CSMD1: variants seen among roughly 807,000 people sequenced by gnomAD.
CSMD1 encodes CUB and Sushi multiple domains 1.
CSMD1 carries 213 observed loss-of-function variants against 417.5 expected under a neutral mutation model. The observed-to-expected ratio is 0.51, with a 90% CI of 0.46 to 0.57. The LOEUF is 0.57. Ranked by LOEUF, CSMD1 falls within the 20% of genes least tolerant of loss-of-function variation. The probability of loss-of-function intolerance (pLI) is 0.00; values close to 1 mark genes in which losing one functional copy is unlikely to be tolerated. For synonymous variants in CSMD1, 2,862 were observed against 1,736.8 expected, an observed-to-expected ratio of 1.65 and a Z score of -16.11; for missense variants, 6,923 against 4,529.7, an observed-to-expected ratio of 1.53 and a Z score of -15.17.
intron 3 of CSMD1, among the ~76,000 whole-genome samples, chr8:4,295,179 A>G (rs1797594889): frequency 7.0e-6 from 1 of 142,116 alleles, no homozygotes; most frequent in African/African-American, 2.6e-5. Context: ...AGATTATATA[A>G]TCTTAAGATT....
chr8:3,902,022 T>C (rs1256424906), intron 5 of CSMD1, among the ~76,000 whole-genome samples: 13 of 152,164 alleles, frequency 8.5e-5, no homozygotes, highest in Admixed American at 8.5e-4. Flanking sequence ...CTCTATTCCA[T>C]TTATTATACG....
intron 1 of CSMD1, among the ~76,000 whole-genome samples, chr8:4,863,830 G>A (rs1222241756): frequency 6.6e-6 from 1 of 151,924 alleles, no homozygotes; most frequent in Admixed American, 6.6e-5. Context: ...TTAGGAAAAA[G>A]AAATGAAATT....
At chr8:3,750,925 G>A (rs1035974786) in intron 6 of CSMD1, among the ~76,000 whole-genome samples, 6 of 152,198 alleles carry the variant, frequency 3.9e-5, no homozygotes, top group Middle Eastern at 3.4e-3. Flanking sequence ...GCCTTTCTGC[G>A]TACTGTGCAC....
chr8:4,375,659 A>AT (rs1563108632), intron 3 of CSMD1, among the ~76,000 whole-genome samples: 2 of 152,140 alleles, frequency 1.3e-5, no homozygotes, highest in Non-Finnish European at 2.9e-5. Context: ...TGGTGGAAGG[A>AT]TAAGGGAGGA....
intron 2 of CSMD1, among the ~76,000 whole-genome samples, chr8:4,460,344 A>C (rs1461765041): frequency 6.6e-6 from 1 of 152,152 alleles, no homozygotes; most frequent in Non-Finnish European, 1.5e-5. Context: ...AATTGCATAG[A>C]GGGAAATTTA....
intron 25 of CSMD1, among the ~76,000 whole-genome samples, chr8:3,299,824 G>A (rs1203031695): frequency 1.3e-5 from 2 of 152,280 alleles, no homozygotes; most frequent in East Asian, 1.9e-4. Context: ...TGGACAGATT[G>A]TTAAGGACTG....
Position 2,965,832 on chromosome 8 carries a change from C to A in CSMD1, c.9223G>T (p.Ala3075Ser). ...PGYVMEAVTS[A>S]TIRCTKDGRW... ...CCGTCTTTGGTACAGCGAATAGTGGCGGATGTGACTGCTTCCATGACATAG... is the reference window on the plus strand; with the variant it reads ...CCGTCTTTGGTACAGCGAATAGTGGAGGATGTGACTGCTTCCATGACATAG... Residue 3075 changes from alanine to serine, a missense_variant, in exon 59 of 70, where the codon GCC becomes TCC. Ala to Ser is a moderately conservative substitution (Grantham distance 99). Coordinates refer to ENST00000635120, the MANE Select transcript of CSMD1 (RefSeq NM_033225.6). 1.2e-6 allele frequency: 2 copies of A among 1,609,010 alleles called. No individual in the cohort carries two copies. The highest frequency in any genetic ancestry group is 1.7e-6 in the Non-Finnish European group (2 of 1,177,618).
chr8:3,812,432 G>C (rs1248838506), intron 5 of CSMD1, among the ~76,000 whole-genome samples: 2 of 152,058 alleles, frequency 1.3e-5, no homozygotes, highest in African/African-American at 4.8e-5. Flanking sequence ...TAATTAAAGT[G>C]CTCACAATGA....
At chr8:3,347,408 G>C (rs1808086427) in intron 22 of CSMD1, among the ~76,000 whole-genome samples, 1 of 152,148 alleles carries the variant, frequency 6.6e-6, no homozygotes, top group African/African-American at 2.4e-5. Flanking sequence ...GGGTACCCCT[G>C]CCATCAATAT....
At chr8:4,103,688 G>C (rs1159348677) in intron 3 of CSMD1, among the ~76,000 whole-genome samples, 3 of 151,992 alleles carry the variant, frequency 2.0e-5, no homozygotes, top group South Asian at 2.1e-4. Context: ...TTATAAACTG[G>C]AGTGAATGCT....
At position 2,950,356 on chromosome 8, in the gene CSMD1, C is replaced by T. The variant is rs767339734; in HGVS notation, c.10202-13G>A. On this transcript the variant is annotated splice_polypyrimidine_tract_variant and intron_variant, in intron 66 of 69. Coordinates refer to ENST00000635120, the MANE Select transcript of CSMD1 (RefSeq NM_033225.6). ...TTCTTGTAAATGCCTGTGAAAAGAT[C>T]AGCAGTTTAGGCTTACCTTGGAGAA... is the stretch of plus-strand genomic sequence containing the variant. 6.5e-7 allele frequency: 1 copy of T among 1,545,674 alleles called. No individual in the cohort carries two copies. Among genetic ancestry groups the T allele is most frequent in the Non-Finnish European group, 8.9e-7 (1 of 1,117,982 alleles).
chr8:3,367,145 C>A lies in CSMD1; in HGVS notation c.3002G>T (p.Gly1001Val). The part of the protein sequence containing the change: ...SFSEPVARLT[G>V]SVLPHTIKAG... ...CTTGATCGTATGAGGCAACACCGAC[C>A]CGGTGAGCCTGGCAACGGGCTCGGA... The change falls in exon 20 of 70, where the codon GGG (glycine) becomes GTG (valine). Residue 1001 changes from glycine (G) to valine (V), a missense_variant. Transcript: ENST00000635120. 1 of 1,613,702 alleles carries A rather than the reference C, an allele frequency of 6.2e-7. No homozygotes were observed. The highest frequency in any genetic ancestry group is 8.5e-7 in the Non-Finnish European group (1 of 1,179,778).
intron 5 of CSMD1, among the ~76,000 whole-genome samples, chr8:3,880,353 T>C (rs1240173188): frequency 6.6e-6 from 1 of 152,230 alleles, no homozygotes; most frequent in African/African-American, 2.4e-5. Flanking sequence ...TTATTGTTAA[T>C]TGACAGTAAA....
rs61391918 is a variant in CSMD1, at chr8:4,405,477, GAGTGA to G, written c.415+14471_415+14475del. 5.4e-3 allele frequency among the ~76,000 whole-genome samples: 827 copies of G among 152,216 alleles called. 3 individuals are homozygous for G. Among genetic ancestry groups the G allele is most frequent in the African/African-American group, 0.019 (791 of 41,520 alleles). ...CGCCCATCTATAGTTGTGTTTGAAA[GAGTGA>G]AGTGAAGTCAATGTGCAACACCCAG... On this transcript the variant is annotated intron_variant, in intron 3 of 69. Transcript: ENST00000635120.
chr8:3,995,415 T>G (rs1815131808), intron 5 of CSMD1, among the ~76,000 whole-genome samples: 2 of 152,232 alleles, frequency 1.3e-5, no homozygotes, highest in Non-Finnish European at 2.9e-5. Flanking sequence ...TATGCTAAAT[T>G]GCTTTTCCAT....
chr8:3,061,496 A>G (rs749172632), intron 49 of CSMD1, among the ~76,000 whole-genome samples: 2 of 152,196 alleles, frequency 1.3e-5, no homozygotes, highest in Non-Finnish European at 2.9e-5. Flanking sequence ...GCCACTGTCA[A>G]TGGAATTTAG....
chr8:2,985,596 T>TA (rs759673066), intron 54 of CSMD1, among the ~76,000 whole-genome samples: 22 of 152,094 alleles, frequency 1.4e-4, no homozygotes, highest in African/African-American at 2.2e-4. Context: ...TTACTTTTCT[T>TA]AAAAAAAATA....
At chr8:3,360,189 G>C (rs1258877397) in intron 20 of CSMD1, among the ~76,000 whole-genome samples, 1 of 152,170 alleles carries the variant, frequency 6.6e-6, no homozygotes, top group Non-Finnish European at 1.5e-5. Context: ...AAAAGTAGTA[G>C]ACAAGATTTT....
chr8:4,792,772 C>T (rs1277940369), intron 1 of CSMD1, among the ~76,000 whole-genome samples: 1 of 152,092 alleles, frequency 6.6e-6, no homozygotes, highest in Non-Finnish European at 1.5e-5. Flanking sequence ...TGTTTTGTCA[C>T]TCAGTACCAT....
Sources: gnomAD v4.1 joint callset for allele counts (sites outside exome capture counted in the v4.1 genomes callset) on GRCh38, gnomAD v4.1.1 for gene constraint, MANE v1.5 for transcripts, NCBI Gene and HGNC (gene_info 2026-07-23, HGNC 2026-07-21) for gene names.